The following NEK10 variants were observed in gnomAD, a reference collection of about 807,000 sequenced individuals.
The protein encoded by NEK10 is serine/threonine-protein kinase Nek10.
A neutral mutation model predicts 159.8 loss-of-function variants in NEK10; 122 were observed. That is an observed-to-expected ratio of 0.76 (90% CI 0.66 to 0.89). The LOEUF (loss-of-function observed/expected upper bound fraction) is 0.89. NEK10 is among the 40% of genes least tolerant of loss of function. NEK10 has a pLI of 0.00. For missense variants in NEK10, 1,342 were observed against 1,323.1 expected (o/e 1.01, Z -0.22); for synonymous variants, 466 against 457.1 (o/e 1.02, Z -0.25).
Position 27,111,295 on chromosome 3 carries a change from TG to T in NEK10, c.3324del (p.Lys1109ArgfsTer13). On this transcript the variant is annotated frameshift_variant, in exon 36 of 36. Transcript: ENST00000691995. LOFTEE classifies it high-confidence loss of function. ...TTTCATCTTTTGGTTGGGTGATTCT[TG>T]GTCCCCCATGGATAGGAATGATACC... ...SNRYHSYPWG[T>X]KNHPTKR The T allele has an allele frequency of 6.2e-7, 1 of 1,609,310 alleles. No individual in the cohort carries two copies. Among genetic ancestry groups the T allele is most frequent in the Non-Finnish European group, 8.5e-7 (1 of 1,177,572 alleles).
At chr3:27,298,692 G>T (rs2043560101) in intron 13 of NEK10, among the ~76,000 whole-genome samples, 1 of 152,182 alleles carries the variant, frequency 6.6e-6, no homozygotes, top group African/African-American at 2.4e-5. Flanking sequence ...TTGACCAAAT[G>T]CTGATAATGA....
intron 15 of NEK10, among the ~76,000 whole-genome samples, chr3:27,294,010 C>A (rs541959003): frequency 2.0e-5 from 3 of 152,266 alleles, no homozygotes; most frequent in South Asian, 2.1e-4. Context: ...TTGTTTCTAG[C>A]CTGCTATGTA....
chr3:27,224,673 T>C lies in NEK10; in HGVS notation c.2091-22116A>G, dbSNP rs932143719. ...TTCCCTTCTTTGTTTCTTGTTTTTT[T>C]CCTTACTCTCACTACCCTGGGATTA... is the stretch of plus-strand genomic sequence containing the variant. On this transcript the variant is annotated intron_variant, in intron 23 of 35. Transcript: ENST00000691995. Among the ~76,000 whole-genome samples, 3 of 152,308 alleles carry C rather than the reference T, an allele frequency of 2.0e-5. No individual in the cohort carries two copies. The East Asian group carries it at 5.8e-4, about 29-fold the overall frequency.
At chr3:27,252,054 C>T (rs141302509) in intron 23 of NEK10, among the ~76,000 whole-genome samples, 25 of 152,248 alleles carry the variant, frequency 1.6e-4, no homozygotes, top group African/African-American at 5.3e-4. Flanking sequence ...GACTTGTTTT[C>T]ACTTCAATTA....
chr3:27,144,252 G>T (rs1441546601), intron 30 of NEK10, among the ~76,000 whole-genome samples: 1 of 152,128 alleles, frequency 6.6e-6, no homozygotes, highest in Non-Finnish European at 1.5e-5. Flanking sequence ...TGCAGTTCTA[G>T]CCCATTCTCT....
chr3:27,365,618 T>TTTTTTG (rs1193313245), intron 1 of NEK10, among the ~76,000 whole-genome samples: 24 of 134,930 alleles, frequency 1.8e-4, no homozygotes, highest in African/African-American at 6.1e-4. Context: ...GTGTTTTTTT[T>TTTTTTG]TTTTTTTTTT....
At chr3:27,328,712 C>T (rs1844983) in intron 5 of NEK10, among the ~76,000 whole-genome samples, 98,227 of 151,910 alleles carry the variant, frequency 0.65, 34,125 homozygotes, top group East Asian at 0.88. Flanking sequence ...TGAAGGAGAT[C>T]TTGAAAAAAT....
intron 22 of NEK10, among the ~76,000 whole-genome samples, chr3:27,262,036 G>C (rs2040459693): frequency 6.6e-6 from 1 of 152,060 alleles, no homozygotes. Flanking sequence ...TCAGAGACTA[G>C]GATTGCAACC....
chr3:27,177,113 G>A (rs1947576551), intron 26 of NEK10, among the ~76,000 whole-genome samples: 1 of 152,180 alleles, frequency 6.6e-6, no homozygotes, highest in Admixed American at 6.5e-5. Flanking sequence ...ACTTGTAACT[G>A]CCAAAATTTC....
At chr3:27,170,356 T>C (rs1428128488) in intron 29 of NEK10, among the ~76,000 whole-genome samples, 1 of 152,146 alleles carries the variant, frequency 6.6e-6, no homozygotes, top group East Asian at 1.9e-4. Flanking sequence ...ATCTCAACAT[T>C]GGCTGCTCCT....
At chr3:27,352,311 G>A (rs796706886) in intron 3 of NEK10, among the ~76,000 whole-genome samples, 154 bp downstream of exon 3, 34 of 152,242 alleles carry the variant, frequency 2.2e-4, no homozygotes, top group African/African-American at 8.2e-4. Flanking sequence ...GCCTGAACCA[G>A]GTGTCAGAGA....
intron 31 of NEK10, among the ~76,000 whole-genome samples, chr3:27,138,985 A>G (rs1943508108): frequency 6.6e-6 from 1 of 152,184 alleles, no homozygotes; most frequent in Non-Finnish European, 1.5e-5. Flanking sequence ...TGGGTCCTTT[A>G]CAGCTCAGCT....
At chr3:27,303,214 T>C (rs2043970141) in intron 12 of NEK10, among the ~76,000 whole-genome samples, 1 of 152,160 alleles carries the variant, frequency 6.6e-6, no homozygotes, top group Non-Finnish European at 1.5e-5. Context: ...GACTGGAAAA[T>C]GATACTTTAG....
chr3:27,360,533 G>A (rs954203693), intron 1 of NEK10, among the ~76,000 whole-genome samples: 4 of 152,192 alleles, frequency 2.6e-5, no homozygotes, highest in Non-Finnish European at 5.9e-5. Context: ...AGGAGTGAAG[G>A]AGAACAAAGC....
intron 22 of NEK10, among the ~76,000 whole-genome samples, chr3:27,267,275 G>A (rs1030745792): frequency 6.6e-6 from 1 of 152,142 alleles, no homozygotes; most frequent in Non-Finnish European, 1.5e-5. Flanking sequence ...GAGGAGAGGG[G>A]CTGTCTTAAA....
intron 23 of NEK10, among the ~76,000 whole-genome samples, chr3:27,251,062 C>A (rs934438384): frequency 5.3e-5 from 8 of 152,178 alleles, no homozygotes; most frequent in African/African-American, 1.7e-4. Context: ...CTGTTCCCAG[C>A]ATGTGACATG....
At chr3:27,209,875 G>A (rs1017604621) in intron 23 of NEK10, among the ~76,000 whole-genome samples, 32 of 150,854 alleles carry the variant, frequency 2.1e-4, no homozygotes, top group Non-Finnish European at 4.4e-4. Flanking sequence ...TTGAAAATCT[G>A]TCTTTTGTGG....
chr3:27,352,437 C>T (rs781323781), intron 3 of NEK10, 28 bp downstream of exon 3: 29 of 1,521,238 alleles, frequency 1.9e-5, no homozygotes, highest in Non-Finnish European at 2.6e-5. Flanking sequence ...TCTTTTATTA[C>T]CAAGTGAACA....
At chr3:27,199,837 C>T (rs898983380) in intron 25 of NEK10, among the ~76,000 whole-genome samples, 1 of 152,176 alleles carries the variant, frequency 6.6e-6, no homozygotes, top group Non-Finnish European at 1.5e-5. Flanking sequence ...AGGCCATTAT[C>T]CTTAGCAAAC....
Sources: gnomAD v4.1 joint callset for allele counts (sites outside exome capture counted in the v4.1 genomes callset) on GRCh38, gnomAD v4.1.1 for gene constraint, MANE v1.5 for transcripts, NCBI Gene and HGNC (gene_info 2026-07-23, HGNC 2026-07-21) for gene names.